Variants in PDSS2 observed in about 807,000 individuals in gnomAD.
PDSS2 encodes the protein all trans-polyprenyl-diphosphate synthase PDSS2.
A neutral mutation model predicts 44.5 loss-of-function variants in PDSS2; 31 were observed. That is an observed-to-expected ratio of 0.70 (90% CI 0.52 to 0.94). The LOEUF (loss-of-function observed/expected upper bound fraction) is 0.94. Among genes scored for constraint, PDSS2 ranks in the 40% least tolerant of loss-of-function variants. The pLI, the probability that PDSS2 is intolerant of heterozygous loss-of-function variation, is 0.00. For synonymous variants in PDSS2, 157 were observed against 180.3 expected, an observed-to-expected ratio of 0.87 and a Z score of 1.03; for missense variants, 452 against 482.2, an observed-to-expected ratio of 0.94 and a Z score of 0.59.
chr6:107,438,939 A>G (rs906655860), intron 1 of PDSS2, among the ~76,000 whole-genome samples: 1 of 152,176 alleles, frequency 6.6e-6, no homozygotes, highest in East Asian at 1.9e-4. Context: ...ACTGCCCACA[A>G]TGACTCCCTG....
intron 1 of PDSS2, among the ~76,000 whole-genome samples, chr6:107,420,322 T>C (rs1780784865): frequency 6.6e-6 from 1 of 152,200 alleles, no homozygotes; most frequent in South Asian, 2.1e-4. Context: ...GGAGAGGTGC[T>C]AGCCTTTTGC....
chr6:107,343,423 T>C (rs1465938678), intron 1 of PDSS2, among the ~76,000 whole-genome samples: 2 of 152,196 alleles, frequency 1.3e-5, no homozygotes, highest in Admixed American at 1.3e-4. Context: ...ACCAACAAGG[T>C]GCAACTGTAG....
chr6:107,269,360 G>A (rs1049667512), intron 3 of PDSS2, among the ~76,000 whole-genome samples: 9 of 151,600 alleles, frequency 5.9e-5, no homozygotes, highest in African/African-American at 1.9e-4. Context: ...GTGTGTGTGT[G>A]TGTGTGTGTG....
intron 1 of PDSS2, among the ~76,000 whole-genome samples, chr6:107,390,342 ATC>A (rs1779741487): frequency 6.6e-6 from 1 of 152,136 alleles, no homozygotes; most frequent in East Asian, 1.9e-4. Context: ...AGGGCAATTC[ATC>A]TCTGTATCAT....
intron 1 of PDSS2, among the ~76,000 whole-genome samples, chr6:107,408,835 G>A (rs553707550): frequency 8.5e-5 from 13 of 152,208 alleles, no homozygotes; most frequent in Admixed American, 3.9e-4. Flanking sequence ...TTTACAAGCC[G>A]CCAGTCTGTG....
chr6:107,222,483 C>T (rs1414624490), intron 4 of PDSS2, among the ~76,000 whole-genome samples: 1 of 151,656 alleles, frequency 6.6e-6, no homozygotes, highest in African/African-American at 2.4e-5. Context: ...GGTGAAACCC[C>T]ATCTCTACTA....
intron 7 of PDSS2, among the ~76,000 whole-genome samples, chr6:107,171,302 C>T (rs1010899021): frequency 6.6e-6 from 1 of 152,082 alleles, no homozygotes; most frequent in Non-Finnish European, 1.5e-5. Flanking sequence ...GCTGGCACTA[C>T]AGGCACGTGC....
intron 3 of PDSS2, among the ~76,000 whole-genome samples, chr6:107,268,495 GAAAT>G (rs1357887537): frequency 6.6e-6 from 1 of 151,832 alleles, no homozygotes; most frequent in Non-Finnish European, 1.5e-5. Flanking sequence ...AATTTCAAAA[GAAAT>G]AAAAATAACA....
At chr6:107,248,798 A>G (rs1470539459) in intron 3 of PDSS2, among the ~76,000 whole-genome samples, 1 of 152,248 alleles carries the variant, frequency 6.6e-6, no homozygotes, top group Non-Finnish European at 1.5e-5. Context: ...TTTTGATGGA[A>G]CATCTTTGCT....
chr6:107,194,094 G>A (rs895367504), intron 6 of PDSS2, among the ~76,000 whole-genome samples: 10 of 152,126 alleles, frequency 6.6e-5, no homozygotes, highest in African/African-American at 2.4e-4. Context: ...TGGATGTCAC[G>A]ACTCTTAATG....
chr6:107,164,106 G>A (rs1771248567), intron 7 of PDSS2, among the ~76,000 whole-genome samples: 1 of 152,070 alleles, frequency 6.6e-6, no homozygotes. Flanking sequence ...CCTACTCATT[G>A]GGGCATGTAT....
intron 4 of PDSS2, among the ~76,000 whole-genome samples, chr6:107,226,865 G>A (rs1773843433): frequency 6.6e-6 from 1 of 151,554 alleles, no homozygotes; most frequent in Non-Finnish European, 1.5e-5. Flanking sequence ...TAGAGAAGTG[G>A]TTTCACCATG....
At chr6:107,195,703 G>A (rs1421568815) in intron 6 of PDSS2, among the ~76,000 whole-genome samples, 1 of 147,506 alleles carries the variant, frequency 6.8e-6, no homozygotes, top group East Asian at 2.1e-4. Flanking sequence ...GGGATTACAG[G>A]CACCCACCAC....
chr6:107,278,910 C>A (rs1775874007), intron 2 of PDSS2, among the ~76,000 whole-genome samples: 1 of 152,200 alleles, frequency 6.6e-6, no homozygotes, highest in Non-Finnish European at 1.5e-5. Context: ...CTCAGAGCCA[C>A]CTTGTCATAG....
At chr6:107,458,420 A>AAAAAAAAAAAAAC (rs1782124447) in intron 1 of PDSS2, among the ~76,000 whole-genome samples, 1 of 99,056 alleles carries the variant, frequency 1.0e-5, no homozygotes, top group African/African-American at 3.0e-5. Context: ...CTCAAAAAAA[A>AAAAAAAAAAAAAC]AAAAAAAAAA....
chr6:107,225,139 ATATATATATATATATATATATATTTTTT>A (rs1773750521), intron 4 of PDSS2, among the ~76,000 whole-genome samples: 1 of 35,544 alleles, frequency 2.8e-5, no homozygotes, highest in South Asian at 9.7e-4. Context: ...ATATATTTTT[ATATATATATATATATATATATATTTTTT>A]TTTTTTTTTT....
chr6:107,169,123 G>A (rs1194722196), intron 7 of PDSS2, among the ~76,000 whole-genome samples: 2 of 151,970 alleles, frequency 1.3e-5, no homozygotes, highest in Non-Finnish European at 1.5e-5. Context: ...CCAATCAGAC[G>A]TAGATTTGGT....
intron 1 of PDSS2, among the ~76,000 whole-genome samples, chr6:107,336,463 T>C (rs1032619480): frequency 2.8e-4 from 43 of 152,092 alleles, no homozygotes; most frequent in Non-Finnish European, 1.5e-4. Flanking sequence ...TTTAAACTGA[T>C]TTTTAAAAAG....
chr6:107,216,905 G>A (rs7741724), intron 4 of PDSS2, among the ~76,000 whole-genome samples: 118,938 of 152,132 alleles, frequency 0.78, 47,635 homozygotes, highest in East Asian at 1. Context: ...AGACTAGGGA[G>A]CAAAATAGAA....
Sources: allele counts gnomAD v4.1 joint callset (sites outside exome capture counted in the v4.1 genomes callset), GRCh38; gene constraint gnomAD v4.1.1; transcripts MANE v1.5; gene names NCBI Gene and HGNC (gene_info 2026-07-23, HGNC 2026-07-21).